Variants in ESYT2 observed in about 807,000 individuals in gnomAD.
The protein encoded by ESYT2 is extended synaptotagmin-2.
Under a neutral mutation model 107.2 loss-of-function variants are expected in ESYT2, and 54 were observed. The observed-to-expected ratio is 0.50, with a 90% confidence interval of 0.40 to 0.63. ESYT2 has a LOEUF of 0.63. Among genes scored for constraint, ESYT2 ranks in the 30% least tolerant of loss-of-function variants. The pLI is 0.00. For missense variants in ESYT2, 1,020 were observed against 1,094.5 expected, an observed-to-expected ratio of 0.93 and a Z score of 0.96; for synonymous variants, 491 against 434.1, an observed-to-expected ratio of 1.13 and a Z score of -1.63.
intron 1 of ESYT2, among the ~76,000 whole-genome samples, chr7:158,814,268 C>A (rs184649426): frequency 8.0e-6 from 1 of 124,318 alleles, no homozygotes; most frequent in Non-Finnish European, 1.6e-5. Context: ...AGCGAGACTC[C>A]GTCTCAAAAA....
At chr7:158,778,324 T>C (rs1838643492) in intron 6 of ESYT2, among the ~76,000 whole-genome samples, 1 of 152,170 alleles carries the variant, frequency 6.6e-6, no homozygotes, top group Non-Finnish European at 1.5e-5. Flanking sequence ...TTAAAATATT[T>C]GGGTGAGACA....
intron 10 of ESYT2, among the ~76,000 whole-genome samples, chr7:158,761,828 TAAAACA>T (rs777072202): frequency 7.2e-5 from 11 of 151,868 alleles, no homozygotes; most frequent in South Asian, 2.1e-4. Flanking sequence ...GTTAGAGCTG[TAAAACA>T]AAAACAAAAA....
rs1334931232 is a variant in ESYT2 at position 158,788,025 on chromosome 7, A to G, written c.726T>C (p.Ser242=). Residue 242 remains serine (S), a synonymous_variant, in exon 6 of 23, where the codon TCT becomes TCC. Transcript: ENST00000275418. ...IGDMPLVGAL[S]IFFLRKPLLE... ...TTACTGGTTTCCTAAGGAAGAAGAT[A>G]GACAAAGCTCCAACTAAGGGCATAT... The G allele has an allele frequency of 1.9e-6, 3 of 1,613,898 alleles. No individual in the cohort carries two copies. The South Asian group carries it at 3.3e-5, about 18-fold the overall frequency.
chr7:158,814,500 A>C (rs1364753868), intron 1 of ESYT2, among the ~76,000 whole-genome samples: 1 of 152,104 alleles, frequency 6.6e-6, no homozygotes, highest in African/African-American at 2.4e-5. Flanking sequence ...AAACATTTAA[A>C]AATATACGTT....
intron 6 of ESYT2, among the ~76,000 whole-genome samples, chr7:158,774,879 T>G (rs1838496530): frequency 6.6e-6 from 1 of 152,208 alleles, no homozygotes; most frequent in African/African-American, 2.4e-5. Context: ...AGGGGCCACA[T>G]GAACTTCAGG....
At chr7:158,821,039 C>T (rs1001505472) in intron 1 of ESYT2, among the ~76,000 whole-genome samples, 4 of 151,964 alleles carry the variant, frequency 2.6e-5, no homozygotes, top group Non-Finnish European at 4.4e-5. Context: ...TCTTAAAATG[C>T]GATCCAGGAA....
Position 158,763,117 on chromosome 7 carries a change from CA to C in ESYT2, c.1149del (p.Phe383LeufsTer11). ...HPGQELEIEL[F>X]DEDPDKDDFL... ...AAGTCATCCTTGTCTGGGTCTTCAT[CA>C]AAGAGCTCAATCTCTAATTCTTGTC... On this transcript the variant is annotated frameshift_variant, in exon 10 of 23. Transcript: ENST00000275418. LOFTEE classifies it high-confidence loss of function. 1 of 1,613,110 alleles carries C rather than the reference CA, an allele frequency of 6.2e-7. No homozygotes were observed. The highest frequency in any genetic ancestry group is 8.5e-7 in the Non-Finnish European group (1 of 1,179,428).
chr7:158,782,324 G>A, intron 6 of ESYT2, among the ~76,000 whole-genome samples: 1 of 148,920 alleles, frequency 6.7e-6, no homozygotes, highest in South Asian at 2.2e-4. Context: ...GTGAACGAGT[G>A]TGAGAACAGT....
At chr7:158,807,938 A>T (rs1297591289) in intron 1 of ESYT2, among the ~76,000 whole-genome samples, 1 of 152,220 alleles carries the variant, frequency 6.6e-6, no homozygotes, top group Non-Finnish European at 1.5e-5. Flanking sequence ...AGGGATGCGC[A>T]AACCCGCAAA....
chr7:158,791,539 T>C (rs1176272203), intron 4 of ESYT2, among the ~76,000 whole-genome samples: 1 of 152,228 alleles, frequency 6.6e-6, no homozygotes, highest in Non-Finnish European at 1.5e-5. Flanking sequence ...CTACCAACAG[T>C]GCACAAAGGT....
Position 158,741,594 on chromosome 7 carries a change from G to C in ESYT2, c.2097C>G (p.Pro699=). The C allele has an allele frequency of 1.2e-6, 2 of 1,611,426 alleles. No individual in the cohort carries two copies. Among genetic ancestry groups the C allele is most frequent in the Non-Finnish European group, 1.7e-6 (2 of 1,179,918 alleles). Residue 699 remains proline (P), a synonymous_variant, in exon 18 of 23, where the codon CCC becomes CCG. Coordinates refer to ENST00000275418, the MANE Select transcript of ESYT2 (RefSeq NM_001367773.1). ...PGHISVKEPT[P]SIASDISLPI... is the part of the protein sequence containing the mutation. ...GCAGCGAGATGTCCGAGGCGATGCT[G>C]GGGGTCGGCTCCTTGACTGAGATGT...
chr7:158,788,400 T>C lies in ESYT2; in HGVS notation c.602A>G (p.Glu201Gly). 2 of 1,611,798 alleles carry C rather than the reference T, an allele frequency of 1.2e-6. No individual in the cohort carries two copies. Among genetic ancestry groups the C allele is most frequent in the Non-Finnish European group, 1.7e-6 (2 of 1,179,330 alleles). Reference protein sequence around the residue: ...DLQISFVGNCEIDLEIKRYFC... With the variant: ...DLQISFVGNCGIDLEIKRYFC... ...ATATCGTTTGATCTCCAAATCAATC[T>C]CACAATTTCCTACAAAACTAACAAA... Residue 201 changes from glutamate (E) to glycine (G), a missense_variant, in exon 5 of 23, where the codon GAG (glutamate) becomes GGG (glycine). By Grantham distance (98) the Glu-to-Gly change is moderately conservative (BLOSUM62 -2). Transcript: ENST00000275418.
In ESYT2 at chr7:158,767,676, T is replaced by C; in HGVS notation, c.902A>G (p.Gln301Arg). 1.9e-6 allele frequency: 3 copies of C among 1,612,580 alleles called. No homozygotes were observed. In the South Asian group the frequency reaches 3.3e-5, roughly 18 times the overall value. ...TACCTTTGGTACAGGAAACCGCAAC[T>C]GAGCTATTTGAACTTCACTGACAAG... ...VPLVSEVQIAQLRFPVPKGVL... is the reference protein window; with the variant it reads ...VPLVSEVQIARLRFPVPKGVL... The change falls in exon 8 of 23, where the codon CAG becomes CGG. Residue 301 changes from glutamine to arginine, a missense_variant. By Grantham distance (43) the Gln-to-Arg change is conservative. Transcript: ENST00000275418.
chr7:158,769,902 GTTATTTAT>G (rs796906452), intron 7 of ESYT2, among the ~76,000 whole-genome samples: 3 of 151,904 alleles, frequency 2.0e-5, no homozygotes, highest in African/African-American at 7.2e-5. Context: ...TAAGTTCATG[GTTATTTAT>G]TTATTTATTT....
At chr7:158,825,354 T>C (rs927104496) in intron 1 of ESYT2, among the ~76,000 whole-genome samples, 1 of 152,238 alleles carries the variant, frequency 6.6e-6, no homozygotes, top group Non-Finnish European at 1.5e-5. Flanking sequence ...CCCAGGGTAG[T>C]CTAATGGTCC....
intron 1 of ESYT2, among the ~76,000 whole-genome samples, chr7:158,824,678 C>G (rs2129474402): frequency 1.3e-5 from 2 of 152,254 alleles, no homozygotes; most frequent in East Asian, 3.9e-4. Flanking sequence ...ACTGTCAGAA[C>G]AGTTAAGTAG....
At chr7:158,823,850 G>T (rs1840361838) in intron 1 of ESYT2, among the ~76,000 whole-genome samples, 1 of 152,088 alleles carries the variant, frequency 6.6e-6, no homozygotes, top group Non-Finnish European at 1.5e-5. Context: ...CAGGATGGAA[G>T]TTTACATTTA....
At chr7:158,825,969 G>A (rs557522607) in intron 1 of ESYT2, among the ~76,000 whole-genome samples, 10 of 150,572 alleles carry the variant, frequency 6.6e-5, no homozygotes, top group African/African-American at 2.5e-4. Flanking sequence ...AGGATGCCTC[G>A]AGGCCAAAAG....
intron 18 of ESYT2, among the ~76,000 whole-genome samples, chr7:158,740,513 C>T (rs933935134): frequency 5.3e-5 from 8 of 152,174 alleles, no homozygotes; most frequent in South Asian, 2.1e-4. Context: ...ATGCAAGCCA[C>T]GTGCTCTCTT....
Sources: allele counts gnomAD v4.1 joint callset (sites outside exome capture counted in the v4.1 genomes callset), GRCh38; gene constraint gnomAD v4.1.1; transcripts MANE v1.5; gene names NCBI Gene and HGNC (gene_info 2026-07-23, HGNC 2026-07-21).